The following MLXIPL variants were observed in gnomAD, a reference collection of about 807,000 sequenced individuals.
MLXIPL encodes MLX interacting protein like, also known as carbohydrate-responsive element-binding protein.
Under a neutral mutation model 81.5 loss-of-function variants are expected in MLXIPL, and 49 were observed. That is an observed-to-expected ratio of 0.60 (90% CI 0.48 to 0.76). The LOEUF (loss-of-function observed/expected upper bound fraction) is 0.76. Among genes scored for constraint, MLXIPL ranks in the 30% least tolerant of loss-of-function variants. MLXIPL has a pLI of 0.00. For missense variants in MLXIPL, 1,053 were observed against 1,167.0 expected, an observed-to-expected ratio of 0.90 and a Z score of 1.42; for synonymous variants, 466 against 485.5, an observed-to-expected ratio of 0.96 and a Z score of 0.53.
Position 73,606,992 on chromosome 7 carries a change from G to A in MLXIPL, c.600C>T (p.Asp200=). Residue 200 remains aspartate (D), a synonymous_variant, in exon 5 of 17, where the codon GAC becomes GAT. Transcript: ENST00000313375. ...CACCCACCTGCTTAGGGGCCAGGAG[G>A]TCATCTTCCCTGCTGGGCTTACGGA... ...KRLRKPSRED[D]LLAPKQAEGR... is the part of the protein sequence containing the mutation. 1 of 1,613,834 alleles carries A rather than the reference G, an allele frequency of 6.2e-7. No individual in the cohort carries two copies. Among genetic ancestry groups the A allele is most frequent in the Non-Finnish European group, 8.5e-7 (1 of 1,179,912 alleles).
Position 73,607,320 on chromosome 7 carries a change from C to T in MLXIPL, c.573+11G>A, listed in dbSNP as rs949578706. 1.3e-6 allele frequency: 2 copies of T among 1,558,706 alleles called. No homozygotes were observed. The highest frequency in any genetic ancestry group is 1.7e-6 in the Non-Finnish European group (2 of 1,150,590). Reference sequence around the variant, plus strand: ...AAAGCTCTGGGGCCTCCCTGGCCCTCCCCCACTGACCCGCTTCTTGTAGTA... The same window carrying T: ...AAAGCTCTGGGGCCTCCCTGGCCCTTCCCCACTGACCCGCTTCTTGTAGTA... On this transcript the variant is annotated intron_variant, in intron 4 of 16. Transcript: ENST00000313375.
At chr7:73,624,138 C>T in intron 1 of MLXIPL, 62 bp downstream of exon 1, 2 of 1,402,428 alleles carry the variant, frequency 1.4e-6, no homozygotes, top group Non-Finnish European at 1.9e-6. Context: ...CAGTCCTGCC[C>T]CGGACCCCCC....
chr7:73,637,205 C>T, the MLXIPL span, among the ~76,000 whole-genome samples: 1 of 151,964 alleles, frequency 6.6e-6, no homozygotes, highest in South Asian at 2.1e-4. Flanking sequence ...GGGCCTTGTG[C>T]AGTGGCTCAT....
In MLXIPL at chr7:73,624,317, C is replaced by T; in HGVS notation, c.176G>A (p.Ser59Asn). ...SGHFMVSSPH[S>N]DSLPRRRDQE... is the part of the protein sequence containing the mutation. ...GTCGCGCCGCCGGGGCAGCGAGTCG[C>T]TGTGCGGCGACGACACCATGAAGTG... The change falls in exon 1 of 17, where the codon AGC becomes AAC. Residue 59 changes from serine to asparagine, a missense_variant. Transcript: ENST00000313375. 1 of 1,587,818 alleles carries T rather than the reference C, an allele frequency of 6.3e-7. No homozygotes were observed. Among genetic ancestry groups the T allele is most frequent in the Non-Finnish European group, 8.6e-7 (1 of 1,169,318 alleles).
At chr7:73,610,645 T>C (rs1203754595) in intron 2 of MLXIPL, 4 of 152,180 alleles carry the variant, frequency 2.6e-5, no homozygotes, top group African/African-American at 9.7e-5. Context: ...AGCTGGTTTT[T>C]TGTATTTTTG....
intron 1 of MLXIPL, among the ~76,000 whole-genome samples, chr7:73,617,665 C>A (rs1332132394): frequency 1.3e-5 from 2 of 152,004 alleles, no homozygotes; most frequent in Non-Finnish European, 2.9e-5. Context: ...GGCAACATAG[C>A]AAGACCCTGT....
chr7:73,594,013 A>T (rs1554592775), intron 16 of MLXIPL, 30 bp from the exon 17 acceptor site: 1 of 1,583,334 alleles, frequency 6.3e-7, no homozygotes, highest in Non-Finnish European at 8.7e-7. Context: ...AGAGAGACAG[A>T]CACTTCCTGG....
intron 15 of MLXIPL, among the ~76,000 whole-genome samples, chr7:73,594,978 TG>T (rs1232062543): frequency 2.6e-5 from 4 of 152,022 alleles, no homozygotes; most frequent in African/African-American, 9.7e-5. Flanking sequence ...CCCGAGTAGT[TG>T]GGATTACAGG....
the MLXIPL span, among the ~76,000 whole-genome samples, chr7:73,633,913 G>A: frequency 5.3e-5 from 8 of 152,292 alleles, no homozygotes; most frequent in Non-Finnish European, 1.0e-4. Context: ...TAGGTGCGGG[G>A]ACGAGGGAGA....
rs574172606 is a variant in MLXIPL, at chr7:73,623,791, G to A, written c.293+409C>T. On this transcript the variant is annotated intron_variant, in intron 1 of 16. Coordinates refer to ENST00000313375, the MANE Select transcript of MLXIPL (RefSeq NM_032951.3). The surrounding 1 kb of genome is among the most constrained non-coding windows in gnomAD (Gnocchi z 5.7). ...CTGGGGAGAAGGCCGAGGCCTGCAG[G>A]GGGTCGGGTGGAGTGGCTCCAGAGT... Among the ~76,000 whole-genome samples, 3 of 152,222 alleles carry A rather than the reference G, an allele frequency of 2.0e-5. No individual in the cohort carries two copies. The highest frequency in any genetic ancestry group is 4.8e-5 in the African/African-American group (2 of 41,552).
rs781800516 is a variant in MLXIPL at position 73,595,665 on chromosome 7, C to T, written c.2282G>A (p.Arg761His). The T allele has an allele frequency of 3.7e-6, 6 of 1,614,036 alleles. No homozygotes were observed. Among genetic ancestry groups the T allele is most frequent in the South Asian group, 1.1e-5 (1 of 91,086 alleles). The change falls in exon 15 of 17, where the codon CGT (arginine) becomes CAT (histidine). Residue 761 changes from arginine to histidine, a missense_variant. Around this residue, in one of 3 missense-constraint regions of MLXIPL, gnomAD observed 823 missense variants for 933.0 expected, o/e 0.88. Transcript: ENST00000313375. Reference protein sequence around the residue: ...RDMFDDYVRTRTLHNWKFWVF... With the variant: ...RDMFDDYVRTHTLHNWKFWVF... ...CCAGAACTTCCAGTTGTGCAGCGTA[C>T]GGGTTCGGACGTAGTCATCAAACAT...
chr7:73,619,905 G>A (rs966950001), intron 1 of MLXIPL, among the ~76,000 whole-genome samples: 2 of 152,044 alleles, frequency 1.3e-5, no homozygotes. Context: ...ACTCCAGCCT[G>A]GGCGACAGAG....
intron 8 of MLXIPL, among the ~76,000 whole-genome samples, chr7:73,598,500 C>CCCATATAT (rs1794530737): frequency 6.6e-6 from 1 of 152,114 alleles, no homozygotes; most frequent in South Asian, 2.1e-4. Context: ...CACTCACCTA[C>CCCATATAT]CCATATATCC....
chr7:73,613,500 G>A (rs1195053021), intron 2 of MLXIPL, among the ~76,000 whole-genome samples: 1 of 152,128 alleles, frequency 6.6e-6, no homozygotes, highest in African/African-American at 2.4e-5. Context: ...TTGGGAGGCT[G>A]AGGCACAATA....
At chr7:73,613,812 A>C (rs1554600248) in intron 2 of MLXIPL, among the ~76,000 whole-genome samples, 1 of 152,188 alleles carries the variant, frequency 6.6e-6, no homozygotes, top group Non-Finnish European at 1.5e-5. Flanking sequence ...TGAGGACCCC[A>C]GGTGACATCA....
At chr7:73,625,627 G>T (rs966309621), upstream of MLXIPL, among the ~76,000 whole-genome samples, 1 of 151,980 alleles carries the variant, frequency 6.6e-6, no homozygotes. Flanking sequence ...GTGACGATGC[G>T]TGCTTGGCTT....
chr7:73,622,572 A>C (rs1412736336), intron 1 of MLXIPL, among the ~76,000 whole-genome samples: 1 of 151,874 alleles, frequency 6.6e-6, no homozygotes, highest in Non-Finnish European at 1.5e-5. Context: ...TCCTGGGCTC[A>C]AGCAATCCTT....
At position 73,607,660 on chromosome 7, in the gene MLXIPL, C is replaced by T. The variant is rs782820517; in HGVS notation, c.413G>A (p.Arg138Lys). The change falls in exon 3 of 17, where the codon AGG becomes AAG. Residue 138 changes from arginine to lysine, a missense_variant. By Grantham distance (26) the Arg-to-Lys change is conservative. Around this residue, in one of 3 missense-constraint regions of MLXIPL, gnomAD observed 226 missense variants for 216.2 expected, o/e 1.05. Transcript: ENST00000313375. ...CACGAAGCCACACACGGGGCTCTTC[C>T]TCCGCTTCACATCTGAGAGAAGGGG... ...RAWYIQYVKR[R>K]KSPVCGFVTP... 1 of 1,613,378 alleles carries T rather than the reference C, an allele frequency of 6.2e-7. No individual in the cohort carries two copies. The highest frequency in any genetic ancestry group is 8.5e-7 in the Non-Finnish European group (1 of 1,179,972).
At chr7:73,594,978 T>C (rs1554593165) in intron 15 of MLXIPL, among the ~76,000 whole-genome samples, 1 of 152,022 alleles carries the variant, frequency 6.6e-6, no homozygotes, top group African/African-American at 2.4e-5. Context: ...CCCGAGTAGT[T>C]GGGATTACAG....
Sources: allele counts gnomAD v4.1 joint callset (sites outside exome capture counted in the v4.1 genomes callset), GRCh38; gene constraint gnomAD v4.1.1; regional missense constraint gnomAD v4.1.1; non-coding constraint Gnocchi (gnomAD v3.1); transcripts MANE v1.5; gene names NCBI Gene and HGNC (gene_info 2026-07-23, HGNC 2026-07-21).